SUZ12: variants seen among roughly 807,000 people sequenced by gnomAD.
SUZ12 encodes the protein polycomb protein SUZ12.
A neutral mutation model predicts 87.3 loss-of-function variants in SUZ12; 17 were observed. That is an observed-to-expected ratio of 0.19 (90% confidence interval 0.13 to 0.29). SUZ12 has a LOEUF of 0.29. Ranked by LOEUF, SUZ12 falls within the 10% of genes least tolerant of loss-of-function variation. SUZ12 has a pLI of 1.00. For missense variants in SUZ12, 526 were observed against 912.2 expected, an observed-to-expected ratio of 0.58 and a Z score of 5.45; for synonymous variants, 253 against 312.4, an observed-to-expected ratio of 0.81 and a Z score of 2.01.
chr17:31,993,350 C>A lies in SUZ12; in HGVS notation c.1293+17C>A. 1 of 1,420,504 alleles carries A rather than the reference C, an allele frequency of 7.0e-7. No homozygotes were observed. Among genetic ancestry groups the A allele is most frequent in the South Asian group, 1.3e-5 (1 of 79,292 alleles). 88.0% of individuals were successfully genotyped at this position (1,420,504 alleles called of 1,614,324 possible). A position where few individuals can be genotyped will look rare whatever the true frequency, so the allele number is the denominator to read the frequency against. On this transcript the variant is annotated intron_variant, in intron 11 of 15. Transcript: ENST00000322652. ...TTTTATCAGGTAAACATAGCTGACC[C>A]TTCTTAAAGTAATTATGAAATGTAT...
chr17:31,988,849 T>A lies in SUZ12; in HGVS notation c.1201+352T>A, dbSNP rs560831230. 1.1e-4 allele frequency among the ~76,000 whole-genome samples: 17 copies of A among 151,688 alleles called. No homozygotes were observed. The East Asian group carries it at 3.4e-3, about 30-fold the overall frequency. On this transcript the variant is annotated intron_variant, in intron 10 of 15. Transcript: ENST00000322652. Reference sequence around the variant, plus strand: ...CATTTGGGAGACCGAGGCGGGCGGATCACAAGGTCAGGAGATGGAGATCAT... The same window carrying A: ...CATTTGGGAGACCGAGGCGGGCGGAACACAAGGTCAGGAGATGGAGATCAT...
Position 31,937,369 on chromosome 17 carries a change from C to T in SUZ12, c.123C>T (p.Ser41=). The change falls in exon 1 of 16, where the codon TCC becomes TCT. Residue 41 remains serine, a synonymous_variant. Coordinates refer to ENST00000322652, the MANE Select transcript of SUZ12 (RefSeq NM_015355.4). ...CGGCGACGGCTTCGGGCGGCAAATC[C>T]GGCGGCGGGAGCTGTGGAGGGGGTG... The part of the protein sequence containing the change: ...VAAATASGGK[S]GGGSCGGGGS... 7.3e-6 allele frequency: 11 copies of T among 1,502,108 alleles called. No homozygotes were observed. The highest frequency in any genetic ancestry group is 9.7e-6 in the Non-Finnish European group (11 of 1,128,304). 93.0% of individuals were successfully genotyped at this position (1,502,108 alleles called of 1,614,324 possible). A position where few individuals can be genotyped will look rare whatever the true frequency, so the allele number is the denominator to read the frequency against.
At chr17:31,981,288 A>G (rs1203474795) in intron 8 of SUZ12, among the ~76,000 whole-genome samples, 1 of 152,240 alleles carries the variant, frequency 6.6e-6, no homozygotes, top group African/African-American at 2.4e-5. Flanking sequence ...AAGAATGGGC[A>G]AAAGAAACAA....
At chr17:31,981,529 C>T (rs575275) in intron 8 of SUZ12, among the ~76,000 whole-genome samples, 16,269 of 152,058 alleles carry the variant, frequency 0.11, 1,067 homozygotes, top group Middle Eastern at 0.15. Flanking sequence ...TGGAATAGTA[C>T]GTATCTATGT....
intron 15 of SUZ12, among the ~76,000 whole-genome samples, chr17:31,997,666 CAAAA>C (rs892389046): frequency 2.3e-4 from 16 of 70,402 alleles, no homozygotes; most frequent in African/African-American, 1.4e-4. Flanking sequence ...ACCCTATCTC[CAAAA>C]AAAAAAAAAA....
chr17:31,983,935 A>G (rs1315626918), intron 9 of SUZ12, among the ~76,000 whole-genome samples: 1 of 152,358 alleles, frequency 6.6e-6, no homozygotes, highest in African/African-American at 2.4e-5. Flanking sequence ...GGTAGATTCA[A>G]AACTGTAACG....
At chr17:31,938,770 A>T (rs2142115077) in intron 1 of SUZ12, among the ~76,000 whole-genome samples, 1 of 152,336 alleles carries the variant, frequency 6.6e-6, no homozygotes, top group African/African-American at 2.4e-5. Context: ...TTGAAGATTT[A>T]GGTGGAAATT....
At chr17:31,985,361 A>C (rs1004140097) in intron 9 of SUZ12, among the ~76,000 whole-genome samples, 4 of 151,758 alleles carry the variant, frequency 2.6e-5, no homozygotes, top group African/African-American at 2.4e-5. Flanking sequence ...AAACATGTTA[A>C]ATCTAAAAAG....
At position 31,999,879 on chromosome 17, in the gene SUZ12, G is replaced by T. The variant is rs1319671141; in HGVS notation, c.*876G>T. Reference sequence around the variant, plus strand: ...GGAAAGAACGCATTTGAGATTTTAAGATGTCACTTATAAGGGGAGAAGTGT... The same window carrying T: ...GGAAAGAACGCATTTGAGATTTTAATATGTCACTTATAAGGGGAGAAGTGT... On this transcript the variant is annotated 3_prime_UTR_variant, in exon 16 of 16. Coordinates refer to ENST00000322652, the MANE Select transcript of SUZ12 (RefSeq NM_015355.4). 1 of 232,520 alleles carries T rather than the reference G, an allele frequency of 4.3e-6. No individual in the cohort carries two copies. The highest frequency in any genetic ancestry group is 6.1e-5 in the East Asian group (1 of 16,416). 14.4% of individuals were successfully genotyped at this position (232,520 alleles called of 1,614,324 possible).
At chr17:31,961,575 C>A (rs1907716724) in intron 4 of SUZ12, among the ~76,000 whole-genome samples, 1 of 152,134 alleles carries the variant, frequency 6.6e-6, no homozygotes. Flanking sequence ...GCTGGTTATA[C>A]AGGCTATCCT....
intron 4 of SUZ12, among the ~76,000 whole-genome samples, chr17:31,948,126 A>C (rs1460233510): frequency 6.6e-6 from 1 of 152,100 alleles, no homozygotes; most frequent in East Asian, 1.9e-4. Flanking sequence ...TTCTCATTTA[A>C]ATCTATCAGG....
In SUZ12 at chr17:32,000,145, A is replaced by G. The variant is rs761722809; in HGVS notation, c.*1142A>G. 1 of 233,270 alleles carries G rather than the reference A, an allele frequency of 4.3e-6. No individual in the cohort carries two copies. Among genetic ancestry groups the G allele is most frequent in the African/African-American group, 2.2e-5 (1 of 45,350 alleles). 14.5% of individuals were successfully genotyped at this position (233,270 alleles called of 1,614,324 possible). A position where few individuals can be genotyped will look rare whatever the true frequency, so the allele number is the denominator to read the frequency against. On this transcript the variant is annotated 3_prime_UTR_variant, in exon 16 of 16. Coordinates refer to ENST00000322652, the MANE Select transcript of SUZ12 (RefSeq NM_015355.4). ...ATAGGTTTTTATTCCAACTCCGAGC[A>G]CTGTGGTTGAGTAACATCACCTCAA...
intron 8 of SUZ12, among the ~76,000 whole-genome samples, chr17:31,982,044 A>C (rs1909142802): frequency 6.6e-6 from 1 of 152,254 alleles, no homozygotes; most frequent in South Asian, 2.1e-4. Flanking sequence ...TTAGAGTAGT[A>C]GTGGTTACTA....
chr17:31,995,588 G>A lies in SUZ12; in HGVS notation c.1620G>A (p.Met540Ile), dbSNP rs1275088902. 1 of 1,613,980 alleles carries A rather than the reference G, an allele frequency of 6.2e-7. No homozygotes were observed. The highest frequency in any genetic ancestry group is 8.5e-7 in the Non-Finnish European group (1 of 1,179,976). The change falls in exon 14 of 16, where the codon ATG becomes ATA. Residue 540 changes from methionine to isoleucine, a missense_variant. This residue lies in a region of SUZ12 where 143 missense variants were observed against 321.6 expected (regional missense o/e 0.44). Transcript: ENST00000322652. ...VCRPKRTKASMSEFLESEDGE... is the reference protein window; with the variant it reads ...VCRPKRTKASISEFLESEDGE... Reference sequence around the variant, plus strand: ...GGCCAAAACGAACAAAAGCAAGCATGTCTGAATTTCTTGAATCTGAAGATG... The same window carrying A: ...GGCCAAAACGAACAAAAGCAAGCATATCTGAATTTCTTGAATCTGAAGATG...
At chr17:31,970,190 C>T (rs1044573894) in intron 5 of SUZ12, among the ~76,000 whole-genome samples, 1 of 152,166 alleles carries the variant, frequency 6.6e-6, no homozygotes, top group Admixed American at 6.6e-5. Context: ...GAGTATTGTT[C>T]GGCAAATATT....
intron 4 of SUZ12, among the ~76,000 whole-genome samples, chr17:31,954,282 C>T (rs567768448): frequency 5.9e-5 from 9 of 151,664 alleles, no homozygotes; most frequent in Admixed American, 4.6e-4. Flanking sequence ...AGGCTGGTTT[C>T]GAACTCCTGA....
rs1188422774 is a variant in SUZ12, at chr17:31,995,630, A to G, written c.1662A>G (p.Gln554=). The G allele has an allele frequency of 6.2e-7, 1 of 1,614,094 alleles. No homozygotes were observed. The highest frequency in any genetic ancestry group is 1.7e-5 in the Admixed American group (1 of 60,020). ...CTGAAGATGGGGAAGTAGAACAGCA[A>G]AGAACATATAGTAGTGGCCACAATC... ...LESEDGEVEQ[Q]RTYSSGHNRL... The change falls in exon 14 of 16, where the codon CAA becomes CAG. Residue 554 remains glutamine, a synonymous_variant. Transcript: ENST00000322652.
At position 31,937,170 on chromosome 17, in the gene SUZ12, A is replaced by T; in HGVS notation, c.-77A>T. 7.9e-7 allele frequency: 1 copy of T among 1,262,316 alleles called. No individual in the cohort carries two copies. The highest frequency in any genetic ancestry group is 1.0e-6 in the Non-Finnish European group (1 of 978,366). The allele number at this position is 1,262,316 out of a possible 1,614,324, so 78.2% of individuals were successfully genotyped here. ...CGGTCCGCCGGAGCCTGCTGGGGCG[A>T]GCGGTTGGTATTGCAGGCGCTTGCT... On this transcript the variant is annotated 5_prime_UTR_variant, in exon 1 of 16. Coordinates refer to ENST00000322652, the MANE Select transcript of SUZ12 (RefSeq NM_015355.4).
chr17:31,998,078 AT>A (rs532761317), intron 15 of SUZ12, among the ~76,000 whole-genome samples: 246 of 136,532 alleles, frequency 1.8e-3, no homozygotes, highest in Middle Eastern at 7.5e-3. Flanking sequence ...TCTCTACTAA[AT>A]TTTTTTTTTT....
Sources: allele counts gnomAD v4.1 joint callset (sites outside exome capture counted in the v4.1 genomes callset), GRCh38; gene constraint gnomAD v4.1.1; regional missense constraint gnomAD v4.1.1; transcripts MANE v1.5; gene names NCBI Gene and HGNC (gene_info 2026-07-23, HGNC 2026-07-21).